The following CIT variants were observed in gnomAD, a reference collection of about 807,000 sequenced individuals.
CIT encodes citron rho-interacting serine/threonine kinase.
Under a neutral mutation model 272.7 loss-of-function variants are expected in CIT, and 79 were observed. The ratio of observed to expected loss-of-function variants is 0.29; its 90% CI spans 0.24 to 0.35. The LOEUF is 0.35. Among genes scored for constraint, CIT ranks in the 10% least tolerant of loss-of-function variants. The probability of loss-of-function intolerance (pLI) is 1.00; values close to 1 mark genes in which losing one functional copy is unlikely to be tolerated. For synonymous variants in CIT, 948 were observed against 995.6 expected, an observed-to-expected ratio of 0.95 and a Z score of 0.90; for missense variants, 1,909 against 2,618.3, an observed-to-expected ratio of 0.73 and a Z score of 5.91.
intron 3 of CIT, among the ~76,000 whole-genome samples, chr12:119,861,542 G>A (rs1254607163): frequency 4.0e-5 from 6 of 151,514 alleles, no homozygotes; most frequent in Admixed American, 1.3e-4. Flanking sequence ...AGCCGAGATC[G>A]CGCCATTGCA....
chr12:119,710,274 A>G lies in CIT; in HGVS notation c.5048T>C (p.Leu1683Pro). The G allele has an allele frequency of 6.2e-7, 1 of 1,614,220 alleles. No individual in the cohort carries two copies. The highest frequency in any genetic ancestry group is 8.5e-7 in the Non-Finnish European group (1 of 1,180,030). The change falls in exon 39 of 48, where the codon CTG becomes CCG. Residue 1683 changes from leucine (L) to proline (P), a missense_variant. Transcript: ENST00000392521. This position sits in a 1 kb window ranked among gnomAD's most constrained non-coding sequence, Gnocchi z 5.6. ...ACCTGCTATCATGAGTAGCTTCTCC[A>G]GGTCCTTGATAATATAAATTTGGAA... Reference protein sequence around the residue: ...AVFQIYIIKDLEKLLMIAGEE... With the variant: ...AVFQIYIIKDPEKLLMIAGEE...
intron 5 of CIT, among the ~76,000 whole-genome samples, chr12:119,839,232 C>CACACGTGCACACACACATATACAATGA (rs1225959316): frequency 2.0e-5 from 3 of 152,192 alleles, no homozygotes; most frequent in Non-Finnish European, 4.4e-5. Flanking sequence ...TGTGTCTGTG[C>CACACGTGCACACACACATATACAATGA]ACACGTGCAC....
In CIT at chr12:119,772,887, G is replaced by A. The variant is rs1227974015; in HGVS notation, c.1965C>T (p.Ala655=). 1 of 1,613,934 alleles carries A rather than the reference G, an allele frequency of 6.2e-7. No homozygotes were observed. Among genetic ancestry groups the A allele is most frequent in the Non-Finnish European group, 8.5e-7 (1 of 1,179,954 alleles). The change falls in exon 17 of 48, where the codon GCC becomes GCT. Residue 655 remains alanine, a synonymous_variant. Coordinates refer to ENST00000392521, the MANE Select transcript of CIT (RefSeq NM_001206999.2). Reference sequence around the variant, plus strand: ...GGCGGATATTCTGCAGCAGCTCGGTGGCCTCCGTGCTGGCTTTTACAGCCT... The same window carrying A: ...GGCGGATATTCTGCAGCAGCTCGGTAGCCTCCGTGCTGGCTTTTACAGCCT... ...LEKAVKASTE[A]TELLQNIRQA...
At chr12:119,813,383 T>C (rs1249875525) in intron 9 of CIT, among the ~76,000 whole-genome samples, 4 of 152,220 alleles carry the variant, frequency 2.6e-5, no homozygotes, top group African/African-American at 4.8e-5. Flanking sequence ...CCTGGGCCTC[T>C]AACTCTTTGT....
chr12:119,689,734 G>A (rs1247772029), intron 47 of CIT, among the ~76,000 whole-genome samples: 1 of 130,934 alleles, frequency 7.6e-6, no homozygotes, highest in Admixed American at 8.9e-5. Flanking sequence ...CTGGAGTGCA[G>A]TGGCGCGATC....
At chr12:119,857,789 C>T in intron 3 of CIT, 91 bp from the exon 4 acceptor site, 6 of 1,157,878 alleles carry the variant, frequency 5.2e-6, no homozygotes, top group Middle Eastern at 2.8e-4. Context: ...AAATAGCATT[C>T]GGATAGCTTC....
chr12:119,775,188 G>A (rs1340368731), intron 16 of CIT, among the ~76,000 whole-genome samples: 1 of 150,418 alleles, frequency 6.6e-6, no homozygotes, highest in Non-Finnish European at 1.5e-5. Context: ...CAAGAGAATC[G>A]CTTCAACCCA....
intron 19 of CIT, among the ~76,000 whole-genome samples, chr12:119,765,897 GAAAGA>G (rs1566010809): frequency 1.3e-5 from 2 of 152,138 alleles, no homozygotes; most frequent in African/African-American, 4.8e-5. Flanking sequence ...TGCTGGAAAG[GAAAGA>G]AAAGGAAATC....
In CIT at chr12:119,694,371, G is replaced by A. The variant is rs1309418367; in HGVS notation, c.5882+3288C>T. On this transcript the variant is annotated intron_variant, in intron 46 of 47. Coordinates refer to ENST00000392521, the MANE Select transcript of CIT (RefSeq NM_001206999.2). The surrounding 1 kb of genome is among the most constrained non-coding windows in gnomAD (Gnocchi z 4.5). The stretch of plus-strand genomic sequence containing the variant: ...ATGAAGAAGCAGTTAAACCAATTAA[G>A]GTACAGCCCTGATAAGGAAGGTTGT... 2.6e-5 allele frequency among the ~76,000 whole-genome samples: 4 copies of A among 152,166 alleles called. No homozygotes were observed. Among genetic ancestry groups the A allele is most frequent in the Non-Finnish European group, 5.9e-5 (4 of 68,030 alleles).
At position 119,817,242 on chromosome 12, in the gene CIT, T is replaced by C. The variant is rs1052475377; in HGVS notation, c.1111+5578A>G. Among the ~76,000 whole-genome samples, 5 of 152,088 alleles carry C rather than the reference T, an allele frequency of 3.3e-5. No individual in the cohort carries two copies. The East Asian group carries it at 9.7e-4, about 29-fold the overall frequency. On this transcript the variant is annotated intron_variant, in intron 9 of 47. Coordinates refer to ENST00000392521, the MANE Select transcript of CIT (RefSeq NM_001206999.2). The stretch of plus-strand genomic sequence containing the variant: ...CAAGCACATGTGGGGCCAGGCACAG[T>C]GGCTCATGCCTGTAATCCCAGCACT...
chr12:119,717,841 T>TTTTTTTTTTTTTTTTTTC (rs1957606349), intron 32 of CIT, among the ~76,000 whole-genome samples: 1 of 120,542 alleles, frequency 8.3e-6, no homozygotes, highest in African/African-American at 3.0e-5. Flanking sequence ...CTTCTTTCTT[T>TTTTTTTTTTTTTTTTTTC]TTTTTTTTTT....
rs1240380059 is a variant in CIT at position 119,687,994 on chromosome 12, CAA to C, written c.*236_*237del. The C allele has an allele frequency of 3.5e-6, 2 of 575,458 alleles. No individual in the cohort carries two copies. Among genetic ancestry groups the C allele is most frequent in the African/African-American group, 1.9e-5 (1 of 53,096 alleles). 35.6% of individuals were successfully genotyped at this position (575,458 alleles called of 1,614,324 possible). The stretch of plus-strand genomic sequence containing the variant: ...AATGCTTTGAAAGAGTAACAAAGTG[CAA>C]AGAGATGACTGCAGGGAGGTGCCCA... On this transcript the variant is annotated 3_prime_UTR_variant, in exon 48 of 48. Transcript: ENST00000392521.
rs142250474 is a variant in CIT, at chr12:119,721,387, T to G, written c.3654A>C (p.Gly1218=). The G allele has an allele frequency of 1.2e-6, 2 of 1,611,754 alleles. No individual in the cohort carries two copies. Among genetic ancestry groups the G allele is most frequent in the Non-Finnish European group, 1.7e-6 (2 of 1,178,128 alleles). ...QKNHIFRLTQ[G]LQEALDRADL... is the part of the protein sequence containing the mutation. The stretch of plus-strand genomic sequence containing the variant: ...CAGCCCGATCTAGAGCTTCTTGCAG[T>G]CCTTGAGTCAGACGGAAAATGTGAT... Residue 1218 remains glycine (G), a synonymous_variant, in exon 29 of 48, where the codon GGA becomes GGC. Coordinates refer to ENST00000392521, the MANE Select transcript of CIT (RefSeq NM_001206999.2).
chr12:119,708,997 G>C (rs964371971), intron 39 of CIT, among the ~76,000 whole-genome samples: 2 of 151,444 alleles, frequency 1.3e-5, no homozygotes, highest in African/African-American at 4.9e-5. Context: ...GTGGATGTCA[G>C]GAGAGACAAA....
intron 29 of CIT, 49 bp from the exon 30 acceptor site, chr12:119,720,634 T>G (rs764427237): frequency 2.2e-6 from 3 of 1,370,562 alleles, no homozygotes; most frequent in Non-Finnish European, 3.0e-6. Context: ...AGAAGTATAC[T>G]TTTAAAGTTG....
intron 23 of CIT, among the ~76,000 whole-genome samples, chr12:119,747,718 C>CA (rs869233459): frequency 1.3e-5 from 2 of 151,790 alleles, no homozygotes; most frequent in Non-Finnish European, 2.9e-5. Flanking sequence ...GACTCCGTCT[C>CA]AAAAAAACAA....
intron 7 of CIT, among the ~76,000 whole-genome samples, chr12:119,832,229 C>CA (rs1968688717): frequency 6.6e-6 from 1 of 152,178 alleles, no homozygotes; most frequent in South Asian, 2.1e-4. Flanking sequence ...AAAGTAGTCT[C>CA]ACTCTTGATC....
At chr12:119,735,476 A>C in intron 24 of CIT, 119 bp from the exon 25 acceptor site, 1 of 964,222 alleles carries the variant, frequency 1.0e-6, no homozygotes, top group South Asian at 1.5e-5. Flanking sequence ...GCCGCTCATG[A>C]GTTTGCCCAC....
At chr12:119,782,699 C>G in intron 12 of CIT, 62 bp from the exon 13 acceptor site, 2 of 1,593,608 alleles carry the variant, frequency 1.3e-6, no homozygotes, top group Non-Finnish European at 1.7e-6. Flanking sequence ...TGAAAAGACT[C>G]ATTAAGAGAG....
Sources: gnomAD v4.1 joint callset for allele counts (sites outside exome capture counted in the v4.1 genomes callset) on GRCh38, gnomAD v4.1.1 for gene constraint, Gnocchi (gnomAD v3.1) non-coding constraint, MANE v1.5 for transcripts, NCBI Gene and HGNC (gene_info 2026-07-23, HGNC 2026-07-21) for gene names.